RHOA: variants seen among roughly 807,000 people sequenced by gnomAD.
RHOA encodes the protein ras homolog family member A, also known as transforming protein RhoA.
Under a neutral mutation model 17.5 loss-of-function variants are expected in RHOA, and 3 were observed. The ratio of observed to expected loss-of-function variants is 0.17; its 90% confidence interval spans 0.08 to 0.44. The LOEUF is 0.44. Among genes scored for constraint, RHOA ranks in the 20% least tolerant of loss-of-function variants. RHOA has a pLI of 0.99. For missense variants in RHOA, 56 were observed against 242.3 expected (o/e 0.23, Z 5.10); for synonymous variants, 98 against 88.4 (o/e 1.11, Z -0.61).
chr3:49,372,200 T>C (rs758428621), intron 2 of RHOA, among the ~76,000 whole-genome samples: 6 of 152,160 alleles, frequency 3.9e-5, no homozygotes, highest in Non-Finnish European at 7.3e-5. Flanking sequence ...AACTGGGCCC[T>C]GTGTCCATAT....
chr3:49,371,226 G>A (rs747962203), intron 2 of RHOA, among the ~76,000 whole-genome samples: 5 of 151,496 alleles, frequency 3.3e-5, no homozygotes, highest in Non-Finnish European at 7.4e-5. Context: ...CCTACTCTTG[G>A]TACCATGATC....
At chr3:49,386,805 G>A (rs17595885) in intron 1 of RHOA, among the ~76,000 whole-genome samples, 1,818 of 152,098 alleles carry the variant, frequency 0.012, 26 homozygotes, top group Middle Eastern at 0.031. Context: ...CAGTATGACC[G>A]TATGGGCTTT....
chr3:49,383,809 C>G (rs2048355034), intron 1 of RHOA, among the ~76,000 whole-genome samples: 1 of 152,138 alleles, frequency 6.6e-6, no homozygotes, highest in Non-Finnish European at 1.5e-5. Flanking sequence ...GTAGGCGGAT[C>G]ACTTGAGGTC....
chr3:49,393,279 ATCT>A (rs745542489), intron 1 of RHOA, among the ~76,000 whole-genome samples: 2 of 151,970 alleles, frequency 1.3e-5, no homozygotes, highest in East Asian at 3.9e-4. Context: ...TATAATGGTG[ATCT>A]TCTCCTTGCC....
intron 2 of RHOA, 152 bp from the exon 3 acceptor site, chr3:49,368,700 C>CTTTTTTTT (rs2048098371): frequency 2.0e-6 from 1 of 490,980 alleles, no homozygotes; most frequent in Non-Finnish European, 3.4e-6. Flanking sequence ...TACATTTTTT[C>CTTTTTTTT]TTTTTTCTTT....
At chr3:49,394,757 C>A (rs1333349333) in intron 1 of RHOA, among the ~76,000 whole-genome samples, 1 of 152,124 alleles carries the variant, frequency 6.6e-6, no homozygotes, top group Non-Finnish European at 1.5e-5. Flanking sequence ...AGTGCTGTAA[C>A]AAAAGCTTAT....
At chr3:49,362,361 G>A (rs1362089810) in intron 4 of RHOA, 135 bp downstream of exon 4, 1 of 823,322 alleles carries the variant, frequency 1.2e-6, no homozygotes, top group African/African-American at 1.7e-5. Context: ...ATTAATGAGG[G>A]TCAGAGGGCC....
chr3:49,379,767 G>C (rs570773669), intron 1 of RHOA, among the ~76,000 whole-genome samples: 2 of 152,262 alleles, frequency 1.3e-5, no homozygotes, highest in Middle Eastern at 3.4e-3. Flanking sequence ...CCTCCTGCCT[G>C]TCTCTCCCAG....
intron 1 of RHOA, among the ~76,000 whole-genome samples, chr3:49,408,906 C>A (rs1008680153): frequency 1.3e-5 from 2 of 151,938 alleles, no homozygotes; most frequent in Non-Finnish European, 2.9e-5. Flanking sequence ...CATTCCCCTG[C>A]CTCAGCCTCC....
Position 49,404,586 on chromosome 3 carries a change from T to C in RHOA, c.-3+7234A>G, listed in dbSNP as rs188605418. On this transcript the variant is annotated intron_variant, in intron 1 of 4. Transcript: ENST00000418115. ...GAGATTGTGCCACTACACTCCAGCT[T>C]AGACAACAGAGCAAGACTCCGTCTC... is the stretch of plus-strand genomic sequence containing the variant. Among the ~76,000 whole-genome samples the C allele has an allele frequency of 2.6e-5, 3 of 113,920 alleles. No homozygotes were observed. In the East Asian group the frequency reaches 8.5e-4, roughly 32 times the overall value. 74.7% of individuals were successfully genotyped at this position (113,920 alleles called of 152,430 possible).
intron 1 of RHOA, among the ~76,000 whole-genome samples, chr3:49,393,729 T>TGTGTGAGA (rs1553635013): frequency 1.9e-4 from 26 of 136,826 alleles, no homozygotes; most frequent in Non-Finnish European, 2.3e-4. Flanking sequence ...TGTGTGTGTG[T>TGTGTGAGA]GACAGAATCT....
chr3:49,363,199 A>G (rs1048207885), intron 3 of RHOA, among the ~76,000 whole-genome samples: 1 of 151,700 alleles, frequency 6.6e-6, no homozygotes, highest in Non-Finnish European at 1.5e-5. Flanking sequence ...TGGGCGGATC[A>G]TGAGGTCAGG....
chr3:49,384,320 C>T (rs1279045450), intron 1 of RHOA, among the ~76,000 whole-genome samples: 1 of 152,128 alleles, frequency 6.6e-6, no homozygotes, highest in Non-Finnish European at 1.5e-5. Context: ...ATGCAGCATT[C>T]TTTACAAGTA....
chr3:49,395,263 A>G (rs1032503781), intron 1 of RHOA, among the ~76,000 whole-genome samples: 2 of 151,778 alleles, frequency 1.3e-5, no homozygotes, highest in African/African-American at 4.8e-5. Context: ...AAAAAAAAAA[A>G]GAATTCAGAA....
intron 1 of RHOA, among the ~76,000 whole-genome samples, chr3:49,398,807 T>A (rs2048663558): frequency 8.7e-6 from 1 of 114,454 alleles, no homozygotes; most frequent in Non-Finnish European, 1.6e-5. Flanking sequence ...GCCACTGCAC[T>A]CCAGCCTGAG....
intron 3 of RHOA, among the ~76,000 whole-genome samples, chr3:49,365,989 C>T (rs896931142): frequency 1.3e-5 from 2 of 151,960 alleles, no homozygotes; most frequent in South Asian, 2.1e-4. Flanking sequence ...CCCAGGAGGT[C>T]GAGGCAGCAG....
intron 1 of RHOA, among the ~76,000 whole-genome samples, chr3:49,393,325 C>G (rs2048542049): frequency 6.6e-6 from 1 of 151,782 alleles, no homozygotes; most frequent in Non-Finnish European, 1.5e-5. Flanking sequence ...CTTTTTTTTC[C>G]AGAGAGGGTC....
chr3:49,391,892 G>A (rs887167778), intron 1 of RHOA, among the ~76,000 whole-genome samples: 3 of 137,558 alleles, frequency 2.2e-5, no homozygotes, highest in Non-Finnish European at 3.0e-5. Flanking sequence ...GTAATGGCAC[G>A]ATCTCAGCTC....
At chr3:49,362,919 AC>A (rs1420660845) in intron 3 of RHOA, among the ~76,000 whole-genome samples, 1 of 152,206 alleles carries the variant, frequency 6.6e-6, no homozygotes, top group Non-Finnish European at 1.5e-5. Flanking sequence ...AGGTAGTTTC[AC>A]GGGGGGCACT....
Sources: gnomAD v4.1 joint callset for allele counts (sites outside exome capture counted in the v4.1 genomes callset) on GRCh38, gnomAD v4.1.1 for gene constraint, MANE v1.5 for transcripts, NCBI Gene and HGNC (gene_info 2026-07-23, HGNC 2026-07-21) for gene names.